The following GSK3B variants were observed in gnomAD, a reference collection of about 807,000 sequenced individuals.
GSK3B encodes the protein glycogen synthase kinase 3 beta.
Under a neutral mutation model 56.4 loss-of-function variants are expected in GSK3B, and 15 were observed. That is an observed-to-expected ratio of 0.27 (90% confidence interval 0.18 to 0.41). GSK3B has a LOEUF of 0.41. Among genes scored for constraint, GSK3B ranks in the 10% least tolerant of loss-of-function variants. The probability of loss-of-function intolerance (pLI) is 1.00; values close to 1 mark genes in which losing one functional copy is unlikely to be tolerated. For synonymous variants in GSK3B, 181 were observed against 188.9 expected, an observed-to-expected ratio of 0.96 and a Z score of 0.34; for missense variants, 300 against 513.4, an observed-to-expected ratio of 0.58 and a Z score of 4.02.
At chr3:120,028,971 G>T in intron 1 of GSK3B, 1 of 576,462 alleles carries the variant, frequency 1.7e-6, no homozygotes, top group Non-Finnish European at 3.2e-6. Flanking sequence ...GAAGTGCTTT[G>T]GTTCCTCCTG....
intron 1 of GSK3B, among the ~76,000 whole-genome samples, chr3:120,083,283 G>C (rs1225200818): frequency 2.0e-5 from 3 of 152,060 alleles, no homozygotes; most frequent in Non-Finnish European, 4.4e-5. Flanking sequence ...CAGGAAACTG[G>C]AGAGCCAACC....
At chr3:119,859,184 TAA>T (rs3031797) in intron 9 of GSK3B, among the ~76,000 whole-genome samples, 5 of 143,382 alleles carry the variant, frequency 3.5e-5, no homozygotes, top group Admixed American at 1.4e-4. Context: ...TTTGTGTATA[TAA>T]AAAAAAAAAA....
intron 3 of GSK3B, among the ~76,000 whole-genome samples, chr3:119,924,421 G>T (rs1184967371): frequency 6.6e-6 from 1 of 152,216 alleles, no homozygotes; most frequent in South Asian, 2.1e-4. Flanking sequence ...AACTGAAGTG[G>T]AGAATTTCAA....
chr3:119,863,405 G>T lies in GSK3B; in HGVS notation c.1096+14C>A. 1 of 1,603,964 alleles carries T rather than the reference G, an allele frequency of 6.2e-7. No homozygotes were observed. Among genetic ancestry groups the T allele is most frequent in the Non-Finnish European group, 8.5e-7 (1 of 1,170,832 alleles). ...TTCCTAGAACTGGTGAAGAGGCTAA[G>T]TGTTTGGAGTTACCTTGAGTGGTGA... On this transcript the variant is annotated intron_variant, in intron 9 of 10. Coordinates refer to ENST00000264235, the MANE Select transcript of GSK3B (RefSeq NM_001146156.2).
At position 120,093,397 on chromosome 3, in the gene GSK3B, C is replaced by T; in HGVS notation, c.38G>A (p.Ser13Asn). 6.2e-7 allele frequency: 1 copy of T among 1,613,962 alleles called. No individual in the cohort carries two copies. The highest frequency in any genetic ancestry group is 8.5e-7 in the Non-Finnish European group (1 of 1,179,842). The change falls in exon 1 of 11, where the codon AGC becomes AAC. Residue 13 changes from serine to asparagine, a missense_variant. Transcript: ENST00000264235. Reference protein sequence around the residue: ...GRPRTTSFAESCKPVQQPSAF... With the variant: ...GRPRTTSFAENCKPVQQPSAF... ...TGAAGGCTGCTGCACCGGCTTGCAG[C>T]TCTCCGCAAAGGAGGTGGTTCTGGG...
Position 119,930,080 on chromosome 3 carries a change from T to TACACACACACAC in GSK3B, c.367-6609_367-6598dup, listed in dbSNP as rs71619762. Among the ~76,000 whole-genome samples, 604 of 133,582 alleles carry TACACACACACAC rather than the reference T, an allele frequency of 4.5e-3. 8 individuals are homozygous for TACACACACACAC. Among genetic ancestry groups the TACACACACACAC allele is most frequent in the African/African-American group, 0.012 (422 of 34,510 alleles). The allele number at this position is 133,582 out of a possible 152,430, so 87.6% of individuals were successfully genotyped here. Reference sequence around the variant, plus strand: ...GACGACACAGTGAGATTCTGTCTCCTACACACACACACACACACACACACA... The same window carrying TACACACACACAC: ...GACGACACAGTGAGATTCTGTCTCCTACACACACACACACACACACACACACACACACACACA... On this transcript the variant is annotated intron_variant, in intron 3 of 10. Transcript: ENST00000264235.
At chr3:119,977,893 A>G (rs1459504395) in intron 2 of GSK3B, among the ~76,000 whole-genome samples, 1 of 152,212 alleles carries the variant, frequency 6.6e-6, no homozygotes, top group Non-Finnish European at 1.5e-5. Context: ...ACTTTGTTCC[A>G]TTTGATTCAC....
intron 9 of GSK3B, among the ~76,000 whole-genome samples, chr3:119,859,911 C>A (rs527341603): frequency 1.5e-4 from 23 of 152,284 alleles, no homozygotes; most frequent in Admixed American, 1.5e-3. Flanking sequence ...GCCACTCTTA[C>A]TTATCTCCCT....
chr3:119,920,975 C>CTA (rs1334037429), intron 4 of GSK3B, among the ~76,000 whole-genome samples: 2 of 152,176 alleles, frequency 1.3e-5, no homozygotes, highest in East Asian at 3.9e-4. Flanking sequence ...ACTGTGGTCT[C>CTA]TAAATACCAC....
chr3:120,062,043 T>C (rs2058241694), intron 1 of GSK3B, among the ~76,000 whole-genome samples: 2 of 152,200 alleles, frequency 1.3e-5, no homozygotes, highest in African/African-American at 4.8e-5. Flanking sequence ...TATATGAATT[T>C]ATTATCCTTT....
chr3:120,037,513 A>C (rs2058032792), intron 1 of GSK3B, among the ~76,000 whole-genome samples: 1 of 152,218 alleles, frequency 6.6e-6, no homozygotes, highest in Admixed American at 6.5e-5. Context: ...AAATATATTA[A>C]GCAAGCCGGT....
At chr3:120,050,746 A>C (rs1405635327) in intron 1 of GSK3B, among the ~76,000 whole-genome samples, 1 of 152,220 alleles carries the variant, frequency 6.6e-6, no homozygotes, top group Non-Finnish European at 1.5e-5. Flanking sequence ...GCTGTGGAAC[A>C]TGTAGGTGGT....
At chr3:119,860,250 T>C (rs920076249) in intron 9 of GSK3B, among the ~76,000 whole-genome samples, 5 of 152,216 alleles carry the variant, frequency 3.3e-5, no homozygotes, top group Admixed American at 2.6e-4. Flanking sequence ...TTCCTGATTC[T>C]ACCTGTTTCC....
At chr3:119,938,563 G>A (rs2057017807) in intron 3 of GSK3B, among the ~76,000 whole-genome samples, 4 of 151,910 alleles carry the variant, frequency 2.6e-5, no homozygotes, top group South Asian at 2.1e-4. Context: ...CACCAAAAGG[G>A]CATCTGATAA....
At chr3:120,049,567 C>T (rs946440283) in intron 1 of GSK3B, among the ~76,000 whole-genome samples, 3 of 152,128 alleles carry the variant, frequency 2.0e-5, no homozygotes, top group Non-Finnish European at 4.4e-5. Flanking sequence ...AATCCACATG[C>T]CTTCTGAACA....
intron 1 of GSK3B, chr3:120,028,643 T>C: frequency 3.0e-6 from 1 of 334,886 alleles, no homozygotes; most frequent in Non-Finnish European, 5.9e-6. Flanking sequence ...CCAAATATGC[T>C]ACTTTAATAA....
intron 1 of GSK3B, among the ~76,000 whole-genome samples, chr3:120,067,764 C>A (rs2058292343): frequency 6.6e-6 from 1 of 152,038 alleles, no homozygotes; most frequent in South Asian, 2.1e-4. Context: ...GTGGGAAATT[C>A]CAAAGAACAA....
chr3:120,078,495 T>C (rs1265870833), intron 1 of GSK3B, among the ~76,000 whole-genome samples: 1 of 151,680 alleles, frequency 6.6e-6, no homozygotes, highest in Non-Finnish European at 1.5e-5. Flanking sequence ...AAGTTCTCCT[T>C]CTCCAATGTA....
chr3:119,830,401 T>A (rs2055580745), intron 10 of GSK3B, among the ~76,000 whole-genome samples: 1 of 152,264 alleles, frequency 6.6e-6, no homozygotes, highest in Non-Finnish European at 1.5e-5. Context: ...TCTATTAAAA[T>A]GTTTATTAAT....
Sources: allele counts gnomAD v4.1 joint callset (sites outside exome capture counted in the v4.1 genomes callset), GRCh38; gene constraint gnomAD v4.1.1; transcripts MANE v1.5; gene names NCBI Gene and HGNC (gene_info 2026-07-23, HGNC 2026-07-21).